The following WDPCP variants were observed in gnomAD, a reference collection of about 807,000 sequenced individuals.
The protein encoded by WDPCP is WD repeat containing planar cell polarity effector.
WDPCP carries 71 observed loss-of-function variants against 93.1 expected under a neutral mutation model. The ratio of observed to expected loss-of-function variants is 0.76; its 90% CI spans 0.63 to 0.93. The LOEUF is 0.93. WDPCP is among the 40% of genes least tolerant of loss of function. The pLI, the probability that WDPCP is intolerant of heterozygous loss-of-function variation, is 0.00. For synonymous variants in WDPCP, 315 were observed against 315.0 expected (o/e 1.00, Z 0.00); for missense variants, 844 against 887.4 (o/e 0.95, Z 0.62).
chr2:63,785,435 T>C (rs979495869), intron 2 of WDPCP, among the ~76,000 whole-genome samples: 5 of 152,184 alleles, frequency 3.3e-5, no homozygotes, highest in Non-Finnish European at 5.9e-5. Flanking sequence ...TTTGAAAGGA[T>C]ACTACATTGG....
At chr2:63,607,891 T>C (rs1575728658) in intron 3 of WDPCP, among the ~76,000 whole-genome samples, 2 of 151,866 alleles carry the variant, frequency 1.3e-5, no homozygotes, top group Non-Finnish European at 2.9e-5. Flanking sequence ...CTAAATAATT[T>C]TGAGATAGAT....
At chr2:63,729,244 T>A (rs1286729675) in intron 2 of WDPCP, among the ~76,000 whole-genome samples, 2 of 152,324 alleles carry the variant, frequency 1.3e-5, no homozygotes, top group East Asian at 3.9e-4. Flanking sequence ...CATTAATGAT[T>A]TTATTAAAAT....
intron 1 of WDPCP, among the ~76,000 whole-genome samples, chr2:63,503,012 G>C (rs1009103187): frequency 6.6e-6 from 1 of 152,158 alleles, no homozygotes; most frequent in East Asian, 1.9e-4. Flanking sequence ...TCTATGCCTC[G>C]AAAGAAAAGT....
chr2:63,237,701 T>C (rs554383947), intron 14 of WDPCP, among the ~76,000 whole-genome samples: 44 of 152,280 alleles, frequency 2.9e-4, no homozygotes, highest in African/African-American at 9.9e-4. Flanking sequence ...CTGGAGGCAT[T>C]ATCATAAGTG....
intron 12 of WDPCP, among the ~76,000 whole-genome samples, chr2:63,338,560 AAAAAAAAAAATATATATATATATAT>A (rs1350430627): frequency 3.0e-4 from 18 of 60,848 alleles, no homozygotes; most frequent in African/African-American, 1.3e-3. Flanking sequence ...CTAAAAAAAA[AAAAAAAAAAATATATATATATATAT>A]ATATATATAT....
chr2:63,673,743 C>T (rs1158008764), intron 2 of WDPCP, among the ~76,000 whole-genome samples: 21 of 152,186 alleles, frequency 1.4e-4, no homozygotes, highest in Admixed American at 1.4e-3. Context: ...TATAAAAAGT[C>T]TTATTTGAGA....
chr2:63,529,786 T>C (rs1181533781), intron 1 of WDPCP, among the ~76,000 whole-genome samples: 3 of 152,228 alleles, frequency 2.0e-5, no homozygotes, highest in Non-Finnish European at 2.9e-5. Context: ...CAGCTCCTCC[T>C]TGTATCTCTC....
intron 15 of WDPCP, among the ~76,000 whole-genome samples, chr2:63,159,041 A>G (rs1672471075): frequency 6.8e-6 from 1 of 147,550 alleles, no homozygotes; most frequent in Non-Finnish European, 1.5e-5. Context: ...CTGTAGTCCC[A>G]GCTCTTTGGG....
At chr2:63,378,958 A>T (rs1374480733) in intron 11 of WDPCP, among the ~76,000 whole-genome samples, 1 of 152,132 alleles carries the variant, frequency 6.6e-6, no homozygotes, top group Non-Finnish European at 1.5e-5. Flanking sequence ...ATAAACAGGC[A>T]TATTGGAGTA....
At chr2:63,210,285 C>T (rs779099631) in intron 14 of WDPCP, among the ~76,000 whole-genome samples, 8 of 151,896 alleles carry the variant, frequency 5.3e-5, no homozygotes, top group Non-Finnish European at 8.8e-5. Flanking sequence ...TAACTAGAAA[C>T]CTTTGGAATT....
intron 2 of WDPCP, among the ~76,000 whole-genome samples, chr2:63,776,687 G>GATAGAAAA (rs1670308176): frequency 7.3e-6 from 1 of 137,756 alleles, no homozygotes; most frequent in African/African-American, 2.6e-5. Context: ...AAGATATAAA[G>GATAGAAAA]ATAGAAAACA....
intron 6 of WDPCP, among the ~76,000 whole-genome samples, chr2:63,473,736 T>G (rs1249854618): frequency 6.6e-6 from 1 of 152,194 alleles, no homozygotes; most frequent in Non-Finnish European, 1.5e-5. Context: ...TGCTTTACTA[T>G]AATTTAGTGA....
intron 1 of WDPCP, among the ~76,000 whole-genome samples, chr2:63,532,626 G>C (rs1217934054): frequency 1.3e-5 from 2 of 152,116 alleles, no homozygotes; most frequent in Non-Finnish European, 1.5e-5. Flanking sequence ...ATAAGTGAAG[G>C]AGAAATAAAA....
At position 63,522,446 on chromosome 2, in the gene WDPCP, A is replaced by G. The variant is rs561016161; in HGVS notation, c.76-29506T>C. 5.9e-5 allele frequency among the ~76,000 whole-genome samples: 7 copies of G among 118,116 alleles called. No homozygotes were observed. In the South Asian group the frequency reaches 1.7e-3, roughly 29 times the overall value. 77.5% of individuals were successfully genotyped at this position (118,116 alleles called of 152,430 possible). On this transcript the variant is annotated intron_variant, in intron 1 of 17. Transcript: ENST00000272321. ...TGAACTAAAGGAAATCAAGACAGACAGACAGACAGACACACACACACACAC... is the reference window on the plus strand; with the variant it reads ...TGAACTAAAGGAAATCAAGACAGACGGACAGACAGACACACACACACACAC...
At chr2:63,579,137 C>T (rs1335202898) in intron 1 of WDPCP, among the ~76,000 whole-genome samples, 2 of 152,098 alleles carry the variant, frequency 1.3e-5, no homozygotes, top group Admixed American at 6.6e-5. Flanking sequence ...ATCATGTGTG[C>T]TCTAAACATA....
chr2:63,278,414 G>A (rs1318533572), intron 13 of WDPCP, among the ~76,000 whole-genome samples: 1 of 151,598 alleles, frequency 6.6e-6, no homozygotes, highest in African/African-American at 2.4e-5. Context: ...CCGAAGATGA[G>A]AGCAGAACTA....
intron 6 of WDPCP, among the ~76,000 whole-genome samples, chr2:63,450,391 C>G (rs532324502): frequency 1.2e-4 from 18 of 152,284 alleles, no homozygotes; most frequent in African/African-American, 4.3e-4. Flanking sequence ...CAGTATGCAC[C>G]ACCCAGGACC....
chr2:63,373,770 A>G (rs551470691), intron 12 of WDPCP, among the ~76,000 whole-genome samples: 1 of 151,898 alleles, frequency 6.6e-6, no homozygotes, highest in African/African-American at 2.4e-5. Flanking sequence ...TCTTTATCCA[A>G]CATTTTCCCT....
chr2:63,788,478 G>A (rs1042488104), intron 2 of WDPCP, among the ~76,000 whole-genome samples: 5 of 152,168 alleles, frequency 3.3e-5, no homozygotes, highest in Non-Finnish European at 7.4e-5. Flanking sequence ...ACTGTTTGCA[G>A]CTACAACTTG....
Sources: gnomAD v4.1 joint callset for allele counts (sites outside exome capture counted in the v4.1 genomes callset) on GRCh38, gnomAD v4.1.1 for gene constraint, MANE v1.5 for transcripts, NCBI Gene and HGNC (gene_info 2026-07-23, HGNC 2026-07-21) for gene names.